The following PTP4A3 variants were observed in gnomAD, a reference collection of about 807,000 sequenced individuals.
PTP4A3 encodes the protein protein tyrosine phosphatase type IVA 3.
A neutral mutation model predicts 15.2 loss-of-function variants in PTP4A3; 9 were observed. The observed-to-expected ratio is 0.59, with a 90% CI of 0.36 to 1.03. The LOEUF (loss-of-function observed/expected upper bound fraction) is 1.03. Among genes scored for constraint, PTP4A3 ranks in the 50% least tolerant of loss-of-function variants. The pLI is 0.02. For synonymous variants in PTP4A3, 95 were observed against 102.0 expected, an observed-to-expected ratio of 0.93 and a Z score of 0.41; for missense variants, 234 against 252.1, an observed-to-expected ratio of 0.93 and a Z score of 0.49.
At position 141,426,943 on chromosome 8, in the gene PTP4A3, G is replaced by A. The variant is rs765280140; in HGVS notation, c.203G>A (p.Trp68Ter). 1 of 1,611,342 alleles carries A rather than the reference G, an allele frequency of 6.2e-7. No homozygotes were observed. The highest frequency in any genetic ancestry group is 1.1e-5 in the South Asian group (1 of 91,048). The part of the protein sequence containing the change: ...LEKDGITVVD[W>*]PFDDGAPPPG... ...CATGTCTGCTTCCCTCCGTAGGACTGGCCGTTTGACGATGGGGCGCCCCCG... is the reference window on the plus strand; with the variant it reads ...CATGTCTGCTTCCCTCCGTAGGACTAGCCGTTTGACGATGGGGCGCCCCCG... Residue 68 changes from tryptophan to a stop codon, truncating the protein, a stop_gained, in exon 4 of 6, where the codon TGG (tryptophan) becomes TAG (stop). Coordinates refer to ENST00000521578, the MANE Select transcript of PTP4A3 (RefSeq NM_032611.3). LOFTEE classifies it high-confidence loss of function.
At chr8:141,411,952 G>C (rs570176661) in intron 1 of PTP4A3, among the ~76,000 whole-genome samples, 16 of 152,326 alleles carry the variant, frequency 1.1e-4, no homozygotes, top group African/African-American at 3.6e-4. Context: ...CTGAGCCTCG[G>C]TTTACTCATC....
In PTP4A3 at chr8:141,431,138, G is replaced by C; in HGVS notation, c.*94G>C. 1 of 1,239,602 alleles carries C rather than the reference G, an allele frequency of 8.1e-7. No homozygotes were observed. Among genetic ancestry groups the C allele is most frequent in the Admixed American group, 1.9e-5 (1 of 51,398 alleles). 76.8% of individuals were successfully genotyped at this position (1,239,602 alleles called of 1,614,324 possible). A position where few individuals can be genotyped will look rare whatever the true frequency, so the allele number is the denominator to read the frequency against. On this transcript the variant is annotated 3_prime_UTR_variant, in exon 6 of 6. Coordinates refer to ENST00000521578, the MANE Select transcript of PTP4A3 (RefSeq NM_032611.3). The stretch of plus-strand genomic sequence containing the variant: ...AGCCCTGCTCTGCCCAGCCCAGCAG[G>C]GGCTCCAGGCCTTGGCTGGCCCCAC...
chr8:141,414,626 G>T (rs528481613), intron 1 of PTP4A3, among the ~76,000 whole-genome samples: 5 of 151,948 alleles, frequency 3.3e-5, no homozygotes, highest in Non-Finnish European at 5.9e-5. Context: ...TGGACTGGGG[G>T]GGGGGTAGGG....
chr8:141,401,664 G>A (rs1053240354), intron 1 of PTP4A3, among the ~76,000 whole-genome samples: 45 of 152,148 alleles, frequency 3.0e-4, no homozygotes, highest in African/African-American at 8.9e-4. Context: ...GGAAGTCACC[G>A]GAAGGGCCGT....
chr8:141,415,231 G>T (rs1003696225), intron 1 of PTP4A3, among the ~76,000 whole-genome samples: 4 of 152,032 alleles, frequency 2.6e-5, no homozygotes, highest in Non-Finnish European at 5.9e-5. Context: ...GCGCGGCAAG[G>T]AACGGGCCCT....
chr8:141,425,233 C>T lies in PTP4A3; in HGVS notation c.198+93C>T, dbSNP rs577089654. ...GGCCTGCGCAGAGGGTTTGGTGCCC[C>T]TCCTGTGGCAGCCCTGGGCATGTCT... On this transcript the variant is annotated intron_variant, in intron 3 of 5. Transcript: ENST00000521578. The surrounding 1 kb of genome is among the most constrained non-coding windows in gnomAD (Gnocchi z 4.2). 50 of 1,286,060 alleles carry T rather than the reference C, an allele frequency of 3.9e-5. No homozygotes were observed. In the African/African-American group the frequency reaches 5.0e-4, roughly 13 times the overall value. 79.7% of individuals were successfully genotyped at this position (1,286,060 alleles called of 1,614,324 possible).
rs6988504 is a variant in PTP4A3 at position 141,406,946 on chromosome 8, G to A, written c.-853-14442G>A. Among the ~76,000 whole-genome samples, 67,706 of 152,048 alleles carry A rather than the reference G, an allele frequency of 0.45. 18,478 individuals are homozygous for A. The highest frequency in any genetic ancestry group is 0.77 in the African/African-American group (31,851 of 41,472). On this transcript the variant is annotated intron_variant, in intron 1 of 5. Coordinates refer to ENST00000521578, the MANE Select transcript of PTP4A3 (RefSeq NM_032611.3). The surrounding 1 kb of genome is among the most constrained non-coding windows in gnomAD (Gnocchi z 4.5). ...GCTCAGAAATCTTTCCTGTCCTCTAGGGCCCATCTCTGATGCCACCTTCAC... is the reference window on the plus strand; with the variant it reads ...GCTCAGAAATCTTTCCTGTCCTCTAAGGCCCATCTCTGATGCCACCTTCAC...
intron 1 of PTP4A3, among the ~76,000 whole-genome samples, chr8:141,412,859 C>T (rs1382517585): frequency 2.6e-5 from 4 of 152,216 alleles, no homozygotes; most frequent in Non-Finnish European, 4.4e-5. Flanking sequence ...CAGAGGCACA[C>T]AGCATGCACG....
intron 1 of PTP4A3, among the ~76,000 whole-genome samples, chr8:141,393,585 C>T (rs1242234409): frequency 2.6e-5 from 4 of 152,204 alleles, no homozygotes; most frequent in African/African-American, 9.7e-5. Context: ...AGGCAGTCGG[C>T]GTGATGGGAG....
chr8:141,403,220 A>G (rs891240227), intron 1 of PTP4A3, among the ~76,000 whole-genome samples: 5 of 152,212 alleles, frequency 3.3e-5, no homozygotes, highest in African/African-American at 1.2e-4. Context: ...ACCAGCACGC[A>G]GCCCCAGAGG....
At chr8:141,411,098 G>T (rs1586546573) in intron 1 of PTP4A3, among the ~76,000 whole-genome samples, 3 of 152,254 alleles carry the variant, frequency 2.0e-5, no homozygotes, top group African/African-American at 7.2e-5. Context: ...GTGCCTAGCA[G>T]CCTCCCTGCC....
intron 2 of PTP4A3, among the ~76,000 whole-genome samples, chr8:141,423,978 C>T (rs371948698): frequency 7.5e-6 from 1 of 132,720 alleles, no homozygotes; most frequent in Non-Finnish European, 1.6e-5. Flanking sequence ...AGGCTCAGGA[C>T]GTGACCAGGA....
At chr8:141,426,327 G>A (rs1432629991) in intron 3 of PTP4A3, 3 of 636,404 alleles carry the variant, frequency 4.7e-6, no homozygotes, top group South Asian at 1.4e-4. Context: ...GCTGGGGGAC[G>A]GGACAGTGGG....
At chr8:141,397,968 G>A (rs1274855218) in intron 1 of PTP4A3, among the ~76,000 whole-genome samples, 4 of 152,222 alleles carry the variant, frequency 2.6e-5, no homozygotes, top group South Asian at 2.1e-4. Context: ...AGACCTGGAT[G>A]CAGGACCCTG....
At chr8:141,416,290 CG>C (rs909019265) in intron 1 of PTP4A3, among the ~76,000 whole-genome samples, 1 of 152,008 alleles carries the variant, frequency 6.6e-6, no homozygotes, top group Non-Finnish European at 1.5e-5. Context: ...AGCAGGGTCT[CG>C]GGGGCAGCAA....
rs1563738668 is a variant in PTP4A3 at position 141,425,137 on chromosome 8, TGTG to T, written c.198+1_198+3del. On this transcript the variant is annotated inframe_deletion and splice_region_variant, in exon 3 of 6. Coordinates refer to ENST00000521578, the MANE Select transcript of PTP4A3 (RefSeq NM_032611.3). The surrounding 1 kb of genome is among the most constrained non-coding windows in gnomAD (Gnocchi z 4.2). ...CGCTGGAGAAGGATGGCATCACCGT[TGTG>T]GTGAGGCGCGCGCCACGGGGACCCT... 2.9e-6 allele frequency: 4 copies of T among 1,396,136 alleles called. No homozygotes were observed. The highest frequency in any genetic ancestry group is 3.8e-6 in the Non-Finnish European group (4 of 1,044,318). The allele number at this position is 1,396,136 out of a possible 1,614,324, so 86.5% of individuals were successfully genotyped here.
intron 1 of PTP4A3, among the ~76,000 whole-genome samples, chr8:141,399,821 G>A (rs951733420): frequency 7.2e-5 from 11 of 152,252 alleles, no homozygotes; most frequent in African/African-American, 1.4e-4. Context: ...GGGCAGGCTG[G>A]GGACGTGCAA....
chr8:141,427,728 C>A, intron 4 of PTP4A3, 22 bp from the exon 5 acceptor site: 1 of 1,547,020 alleles, frequency 6.5e-7, no homozygotes, highest in East Asian at 2.4e-5. Flanking sequence ...CCGATGACCC[C>A]CGCCCTGCTG....
At chr8:141,412,897 C>G (rs1429446361) in intron 1 of PTP4A3, among the ~76,000 whole-genome samples, 4 of 152,196 alleles carry the variant, frequency 2.6e-5, no homozygotes, top group African/African-American at 7.2e-5. Flanking sequence ...CCAGGGGGCA[C>G]CTGGGGTGGA....
Sources: allele counts gnomAD v4.1 joint callset (sites outside exome capture counted in the v4.1 genomes callset), GRCh38; gene constraint gnomAD v4.1.1; non-coding constraint Gnocchi (gnomAD v3.1); transcripts MANE v1.5; gene names NCBI Gene and HGNC (gene_info 2026-07-23, HGNC 2026-07-21).